Variants in CHRM3 observed in about 807,000 individuals in gnomAD.
The protein encoded by CHRM3 is cholinergic receptor muscarinic 3, also known as muscarinic acetylcholine receptor M3.
In CHRM3, 11 loss-of-function variants were observed where a neutral mutation model predicts 41.8. The ratio of observed to expected loss-of-function variants is 0.26; its 90% CI spans 0.17 to 0.44. CHRM3 has a LOEUF of 0.44. Among genes scored for constraint, CHRM3 ranks in the 20% least tolerant of loss-of-function variants. The pLI, the probability that CHRM3 is intolerant of heterozygous loss-of-function variation, is 1.00. For missense variants in CHRM3, 571 were observed against 745.4 expected, an observed-to-expected ratio of 0.77 and a Z score of 2.72; for synonymous variants, 297 against 301.4, an observed-to-expected ratio of 0.99 and a Z score of 0.15.
chr1:239,874,569 G>A (rs1676955523), intron 6 of CHRM3, among the ~76,000 whole-genome samples: 1 of 151,602 alleles, frequency 6.6e-6, no homozygotes, highest in Admixed American at 6.6e-5. Flanking sequence ...ATGAAGGAAA[G>A]CCGTATATGT....
At chr1:239,873,502 C>G (rs1485785393) in intron 6 of CHRM3, among the ~76,000 whole-genome samples, 1 of 152,030 alleles carries the variant, frequency 6.6e-6, no homozygotes, top group East Asian at 1.9e-4. Context: ...AGCCACCCAC[C>G]CCCTGACAGG....
At chr1:239,816,401 C>A (rs1166092910) in intron 5 of CHRM3, among the ~76,000 whole-genome samples, 1 of 152,126 alleles carries the variant, frequency 6.6e-6, no homozygotes, top group South Asian at 2.1e-4. Flanking sequence ...TTATTAATAA[C>A]TTCTGAGCAT....
chr1:239,610,551 T>C (rs1377044671), intron 3 of CHRM3, among the ~76,000 whole-genome samples: 1 of 152,170 alleles, frequency 6.6e-6, no homozygotes, highest in East Asian at 1.9e-4. Context: ...TAGCTAAAAG[T>C]GAACAGCACT....
At chr1:239,527,736 C>A (rs1369898466) in intron 2 of CHRM3, among the ~76,000 whole-genome samples, 1 of 152,178 alleles carries the variant, frequency 6.6e-6, no homozygotes, top group Non-Finnish European at 1.5e-5. Flanking sequence ...ACGGTTTAAG[C>A]TCTGTAAGCC....
chr1:239,642,053 G>C lies in CHRM3; in HGVS notation c.-250+9767G>C. On this transcript the variant is annotated intron_variant, in intron 4 of 6. Transcript: ENST00000676153. ...TTAGTTTGGCTGGATATGAAATTCT[G>C]GGTTGAAAATTCTTTTCTTTAAGAA... 1.6e-5 allele frequency among the ~76,000 whole-genome samples: 2 copies of C among 127,232 alleles called. 1 individual carries two copies. The highest frequency in any genetic ancestry group is 3.3e-5 in the Non-Finnish European group (2 of 60,016). The allele number at this position is 127,232 out of a possible 152,430, so 83.5% of individuals were successfully genotyped here.
chr1:239,548,027 A>G (rs574566868), intron 3 of CHRM3, among the ~76,000 whole-genome samples: 1 of 152,308 alleles, frequency 6.6e-6, no homozygotes, highest in East Asian at 1.9e-4. Context: ...ATAAATGTAG[A>G]AAATGTTTCA....
Position 239,915,049 on chromosome 1 carries a change from G to A in CHRM3, c.*5825G>A, listed in dbSNP as rs2103077487. 6.0e-6 allele frequency: 1 copy of A among 167,100 alleles called. No homozygotes were observed. The highest frequency in any genetic ancestry group is 2.1e-4 in the South Asian group (1 of 4,824). The allele number at this position is 167,100 out of a possible 1,614,324, so 10.4% of individuals were successfully genotyped here. On this transcript the variant is annotated 3_prime_UTR_variant, in exon 7 of 7. Coordinates refer to ENST00000676153, the MANE Select transcript of CHRM3 (RefSeq NM_001375978.1). ...CTTGAGGAATAATTACATAAAAATGGGCTTCCACGATGGTGAATCAGCATG... is the reference window on the plus strand; with the variant it reads ...CTTGAGGAATAATTACATAAAAATGAGCTTCCACGATGGTGAATCAGCATG...
intron 3 of CHRM3, among the ~76,000 whole-genome samples, chr1:239,602,384 A>C (rs550807306): frequency 6.6e-6 from 1 of 152,254 alleles, no homozygotes; most frequent in East Asian, 1.9e-4. Context: ...GAAATGTTGA[A>C]TTCACATGAG....
chr1:239,395,525 C>T (rs768280010), intron 1 of CHRM3, among the ~76,000 whole-genome samples: 1 of 152,150 alleles, frequency 6.6e-6, no homozygotes, highest in Non-Finnish European at 1.5e-5. Context: ...AAGATCTCAA[C>T]CTTCTTGGCT....
At chr1:239,852,316 A>G (rs950410986) in intron 6 of CHRM3, among the ~76,000 whole-genome samples, 5 of 152,198 alleles carry the variant, frequency 3.3e-5, no homozygotes, top group African/African-American at 1.2e-4. Flanking sequence ...TGTAACTACA[A>G]TGTGAGCTTG....
At chr1:239,579,188 A>G (rs1662644278) in intron 3 of CHRM3, among the ~76,000 whole-genome samples, 1 of 152,136 alleles carries the variant, frequency 6.6e-6, no homozygotes, top group South Asian at 2.1e-4. Context: ...TGGTTTTCTT[A>G]TATTCCATAT....
intron 6 of CHRM3, among the ~76,000 whole-genome samples, chr1:239,881,815 A>G (rs1453896483): frequency 6.6e-6 from 1 of 152,116 alleles, no homozygotes; most frequent in East Asian, 1.9e-4. Flanking sequence ...CCATTTTGAT[A>G]AGTCCCAGAT....
chr1:239,449,733 G>GGTGT (rs149312544), intron 1 of CHRM3, among the ~76,000 whole-genome samples: 31 of 143,736 alleles, frequency 2.2e-4, no homozygotes, highest in African/African-American at 6.1e-4. Flanking sequence ...GTCACATTCT[G>GGTGT]GTGTGTGTGT....
chr1:239,772,765 C>T, intron 5 of CHRM3, among the ~76,000 whole-genome samples: 1 of 152,162 alleles, frequency 6.6e-6, no homozygotes, highest in African/African-American at 2.4e-5. Flanking sequence ...ATAGCTTTTG[C>T]CCTGCTTTTC....
chr1:239,637,877 AG>A (rs1295066943), intron 4 of CHRM3, among the ~76,000 whole-genome samples: 1 of 149,438 alleles, frequency 6.7e-6, no homozygotes, highest in Non-Finnish European at 1.5e-5. Flanking sequence ...CTCGTCATTT[AG>A]CATTAGGTAT....
intron 3 of CHRM3, among the ~76,000 whole-genome samples, chr1:239,579,717 A>C (rs973515546): frequency 2.0e-5 from 3 of 152,146 alleles, no homozygotes; most frequent in African/African-American, 7.2e-5. Context: ...ACTTTTTAAA[A>C]TGTTACCAAT....
intron 5 of CHRM3, among the ~76,000 whole-genome samples, chr1:239,690,421 G>T (rs1352839519): frequency 6.6e-6 from 1 of 151,630 alleles, no homozygotes; most frequent in Non-Finnish European, 1.5e-5. Flanking sequence ...TAGTAGAGAC[G>T]GGTTTCACCA....
At chr1:239,463,155 A>G (rs943980163) in intron 1 of CHRM3, among the ~76,000 whole-genome samples, 1 of 152,220 alleles carries the variant, frequency 6.6e-6, no homozygotes, top group South Asian at 2.1e-4. Context: ...GTAAGCAGCT[A>G]GCACAGAGTT....
chr1:239,696,637 C>T (rs1324165965), intron 5 of CHRM3, among the ~76,000 whole-genome samples: 1 of 152,150 alleles, frequency 6.6e-6, no homozygotes, highest in Admixed American at 6.5e-5. Flanking sequence ...TTAATATTAT[C>T]TCCTTTAAAG....
Sources: allele counts gnomAD v4.1 joint callset (sites outside exome capture counted in the v4.1 genomes callset), GRCh38; gene constraint gnomAD v4.1.1; transcripts MANE v1.5; gene names NCBI Gene and HGNC (gene_info 2026-07-23, HGNC 2026-07-21).